CR2: variants seen among roughly 807,000 people sequenced by gnomAD.
CR2 encodes the protein complement C3d receptor 2.
In CR2, 96 loss-of-function variants were observed where a neutral mutation model predicts 123.0. The observed-to-expected ratio is 0.78, with a 90% confidence interval of 0.66 to 0.93. The LOEUF (loss-of-function observed/expected upper bound fraction) is 0.93. Ranked by LOEUF, CR2 falls within the 40% of genes least tolerant of loss-of-function variation. The pLI is 0.00. For synonymous variants in CR2, 484 were observed against 469.5 expected, an observed-to-expected ratio of 1.03 and a Z score of -0.40; for missense variants, 1,258 against 1,361.0, an observed-to-expected ratio of 0.92 and a Z score of 1.19.
At chr1:207,460,309 G>A (rs1413645765) in intron 1 of CR2, among the ~76,000 whole-genome samples, 1 of 152,040 alleles carries the variant, frequency 6.6e-6, no homozygotes. Context: ...AAATAGAAGG[G>A]GACCTATAGT....
chr1:207,473,244 A>C, intron 10 of CR2, 65 bp downstream of exon 10: 1 of 1,574,324 alleles, frequency 6.4e-7, no homozygotes, highest in Non-Finnish European at 8.7e-7. Context: ...ATTATCTCCC[A>C]CCCAAAACTG....
intron 17 of CR2, 109 bp downstream of exon 17, chr1:207,479,389 G>A (rs1410402236): frequency 7.6e-6 from 6 of 786,630 alleles, no homozygotes; most frequent in Non-Finnish European, 4.2e-6. Context: ...CATAGGGAAT[G>A]TTCTCTTTTT....
intron 1 of CR2, among the ~76,000 whole-genome samples, chr1:207,463,875 C>T (rs923044137): frequency 6.6e-6 from 1 of 152,096 alleles, no homozygotes; most frequent in Non-Finnish European, 1.5e-5. Flanking sequence ...CCTCTTGTCC[C>T]CTTCCAGAGG....
intron 1 of CR2, among the ~76,000 whole-genome samples, chr1:207,456,675 C>G (rs920189937): frequency 1.3e-5 from 2 of 152,220 alleles, no homozygotes; most frequent in African/African-American, 4.8e-5. Flanking sequence ...AGAATGCTCC[C>G]ATTTTCTAAT....
chr1:207,473,815 G>A lies in CR2; in HGVS notation c.2170G>A (p.Val724Met), dbSNP rs1658357414. The change falls in exon 12 of 20, where the codon GTG (valine) becomes ATG (methionine). Residue 724 changes from valine to methionine, a missense_variant. Val to Met is a conservative substitution (Grantham distance 21, BLOSUM62 1). Coordinates refer to ENST00000367057, the MANE Select transcript of CR2 (RefSeq NM_001006658.3). Reference sequence around the variant, plus strand: ...TGCTTCTCCAGAAACATGCCAGCATGTGAGACAGAGTCTTCAAGAACTTCC... The same window carrying A: ...TGCTTCTCCAGAAACATGCCAGCATATGAGACAGAGTCTTCAAGAACTTCC... ...APRCEETCQHVRQSLQELPAG... is the reference protein window; with the variant it reads ...APRCEETCQHMRQSLQELPAG... 6.2e-6 allele frequency: 10 copies of A among 1,614,024 alleles called. No homozygotes were observed. The highest frequency in any genetic ancestry group is 6.8e-6 in the Non-Finnish European group (8 of 1,179,902).
chr1:207,470,252 C>A, intron 6 of CR2, 150 bp downstream of exon 6: 1 of 827,132 alleles, frequency 1.2e-6, no homozygotes, highest in Non-Finnish European at 1.9e-6. Context: ...AGAGGGCATT[C>A]TTATCACTAG....
chr1:207,476,445 T>G, intron 15 of CR2, 26 bp downstream of exon 15: 1 of 1,597,850 alleles, frequency 6.3e-7, no homozygotes, highest in Non-Finnish European at 8.5e-7. Flanking sequence ...TTTATTCTTA[T>G]TTTTATATCA....
At chr1:207,464,896 T>A (rs1658055757) in intron 1 of CR2, among the ~76,000 whole-genome samples, 2 of 152,198 alleles carry the variant, frequency 1.3e-5, no homozygotes, top group South Asian at 4.2e-4. Context: ...GTTTTCTAGT[T>A]AAAGAGTTTT....
Position 207,454,388 on chromosome 1 carries a change from C to CGA in CR2, c.-30_-29insAG, listed in dbSNP as rs1657773995. 6.4e-7 allele frequency: 1 copy of CGA among 1,557,344 alleles called. No individual in the cohort carries two copies. The highest frequency in any genetic ancestry group is 8.6e-7 in the Non-Finnish European group (1 of 1,157,128). On this transcript the variant is annotated 5_prime_UTR_variant, in exon 1 of 20. Coordinates refer to ENST00000367057, the MANE Select transcript of CR2 (RefSeq NM_001006658.3). The surrounding 1 kb of genome is among the most constrained non-coding windows in gnomAD (Gnocchi z 4.3). ...TGCCGGACGCTCGCGGGTCTCGGAA[C>CGA]GCATCCCGCCGCGGGGGCTTCGGCC... is the stretch of plus-strand genomic sequence containing the variant.
At chr1:207,459,047 A>C (rs2102295486) in intron 1 of CR2, among the ~76,000 whole-genome samples, 1 of 152,346 alleles carries the variant, frequency 6.6e-6, no homozygotes, top group East Asian at 1.9e-4. Flanking sequence ...ATATTCAAGG[A>C]AGTAAAAGAA....
At chr1:207,474,365 A>G in intron 13 of CR2, 42 bp downstream of exon 13, 1 of 1,398,846 alleles carries the variant, frequency 7.1e-7, no homozygotes, top group Non-Finnish European at 1.0e-6. Context: ...GTAATGGAGG[A>G]TTAGAGAGGG....
At position 207,479,977 on chromosome 1, in the gene CR2, G is replaced by T. The variant is rs1658558351; in HGVS notation, c.3113-1G>T. ...TGATACTTGCTGGATTTTTCTTCTA[G>T]GTATTGCTGCAGGTTTGATACTTCT... is the stretch of plus-strand genomic sequence containing the variant. On this transcript the variant is annotated splice_acceptor_variant, in intron 17 of 19. Transcript: ENST00000367057. LOFTEE classifies it high-confidence loss of function. The T allele has an allele frequency of 6.2e-7, 1 of 1,611,276 alleles. No individual in the cohort carries two copies. Among genetic ancestry groups the T allele is most frequent in the South Asian group, 1.1e-5 (1 of 91,028 alleles).
At chr1:207,480,195 A>G (rs964461447) in intron 18 of CR2, 142 bp downstream of exon 18, 1 of 707,706 alleles carries the variant, frequency 1.4e-6, no homozygotes, top group South Asian at 1.5e-5. Context: ...TGCTATACAA[A>G]AGGAAGCCCT....
chr1:207,475,499 A>C (rs1470845091), intron 14 of CR2, among the ~76,000 whole-genome samples: 4 of 152,216 alleles, frequency 2.6e-5, no homozygotes, highest in Non-Finnish European at 1.5e-5. Flanking sequence ...TAGTGTAAGA[A>C]AAATGCACAT....
At chr1:207,483,488 CT>C (rs1467953246) in intron 18 of CR2, among the ~76,000 whole-genome samples, 1 of 151,940 alleles carries the variant, frequency 6.6e-6, no homozygotes, top group Admixed American at 6.6e-5. Context: ...CACAACCCTG[CT>C]TTCATGAATG....
At position 207,472,830 on chromosome 1, in the gene CR2, A is replaced by G. The variant is rs199892472; in HGVS notation, c.1629A>G (p.Leu543=). 28 of 1,614,012 alleles carry G rather than the reference A, an allele frequency of 1.7e-5. No individual in the cohort carries two copies. The South Asian group carries it at 2.7e-4, about 16-fold the overall frequency. Residue 543 remains leucine (L), a synonymous_variant, in exon 10 of 20, where the codon TTA becomes TTG. Coordinates refer to ENST00000367057, the MANE Select transcript of CR2 (RefSeq NM_001006658.3). ...ATGGGGCACACACCGGGAGTTCCTT[A>G]GAAGATTTTCCATATGGAACCACGG... ...IYNGAHTGSS[L]EDFPYGTTVT...
intron 10 of CR2, 91 bp downstream of exon 10, chr1:207,473,270 C>G: frequency 7.0e-7 from 1 of 1,438,440 alleles, no homozygotes; most frequent in Non-Finnish European, 9.6e-7. Flanking sequence ...TGGAAAGAGG[C>G]AAGAGGGGCA....
At chr1:207,487,078 C>T (rs1360431634) in intron 19 of CR2, among the ~76,000 whole-genome samples, 1 of 152,046 alleles carries the variant, frequency 6.6e-6, no homozygotes, top group Admixed American at 6.5e-5. Context: ...AGTACTGAGC[C>T]CTGGATCCTC....
intron 4 of CR2, 28 bp from the exon 5 acceptor site, chr1:207,469,122 G>A (rs754918026): frequency 6.2e-7 from 1 of 1,601,316 alleles, no homozygotes; most frequent in Admixed American, 1.7e-5. Flanking sequence ...CTGCCTAATA[G>A]TTCTGAATGA....
Sources: allele counts gnomAD v4.1 joint callset (sites outside exome capture counted in the v4.1 genomes callset), GRCh38; gene constraint gnomAD v4.1.1; non-coding constraint Gnocchi (gnomAD v3.1); transcripts MANE v1.5; gene names NCBI Gene and HGNC (gene_info 2026-07-23, HGNC 2026-07-21).